Variants in AP5Z1 observed in about 807,000 individuals in gnomAD.
AP5Z1 encodes the protein AP-5 complex subunit zeta-1.
A neutral mutation model predicts 83.0 loss-of-function variants in AP5Z1; 106 were observed. The ratio of observed to expected loss-of-function variants is 1.28; its 90% CI spans 1.09 to 1.50. The LOEUF is 1.50. Ranked by LOEUF, AP5Z1 falls within the 40% of genes most tolerant of loss-of-function variation. AP5Z1 has a pLI of 0.00. For synonymous variants in AP5Z1, 751 were observed against 514.1 expected (o/e 1.46, Z -6.23); for missense variants, 1,565 against 1,094.2 (o/e 1.43, Z -6.07).
rs1285482882 is a variant in AP5Z1 at position 4,783,303 on chromosome 7, G to A, written c.367-13G>A. The A allele has an allele frequency of 5.6e-6, 9 of 1,596,380 alleles. No homozygotes were observed. Among genetic ancestry groups the A allele is most frequent in the Non-Finnish European group, 7.7e-6 (9 of 1,170,928 alleles). On this transcript the variant is annotated splice_polypyrimidine_tract_variant and intron_variant, in intron 3 of 16. Transcript: ENST00000649063. ...AGGCCAGTACCCCAGCGTTTGCCCTGTTTGATTTGAAGGGTGACAGAAACG... is the reference window on the plus strand; with the variant it reads ...AGGCCAGTACCCCAGCGTTTGCCCTATTTGATTTGAAGGGTGACAGAAACG...
Position 4,788,894 on chromosome 7 carries a change from CCA to C in AP5Z1, c.1651_1652del (p.Gln551ValfsTer21). ...CCATGGCCGGCTGTGCCCGCGTGGC[CCA>C]GTGTGCCCAGGCCGTGCCCACGCTG... ...QPMAGCARVA[Q>X]CAQAVPTLLQ... On this transcript the variant is annotated frameshift_variant, in exon 13 of 17. Coordinates refer to ENST00000649063, the MANE Select transcript of AP5Z1 (RefSeq NM_014855.3). LOFTEE classifies it high-confidence loss of function. The C allele has an allele frequency of 6.2e-7, 1 of 1,611,116 alleles. No homozygotes were observed. Among genetic ancestry groups the C allele is most frequent in the South Asian group, 1.1e-5 (1 of 91,002 alleles).
Position 4,783,315 on chromosome 7 carries a change from G to T in AP5Z1, c.367-1G>T. On this transcript the variant is annotated splice_acceptor_variant, in intron 3 of 16. Transcript: ENST00000649063. LOFTEE classifies it high-confidence loss of function. ...CAGCGTTTGCCCTGTTTGATTTGAA[G>T]GGTGACAGAAACGAGGAGGTCAGAG... 1 of 1,604,756 alleles carries T rather than the reference G, an allele frequency of 6.2e-7. No homozygotes were observed. The highest frequency in any genetic ancestry group is 1.7e-5 in the Admixed American group (1 of 58,682).
Position 4,792,271 on chromosome 7 carries a change from G to C in AP5Z1, c.*886G>C, listed in dbSNP as rs948881711. ...AGCCGCCAGGGGGCGCCGCCGCCCC[G>C]AGAGCCTCACGCCCCGCCCCCAGGC... is the stretch of plus-strand genomic sequence containing the variant. On this transcript the variant is annotated 3_prime_UTR_variant, in exon 17 of 17. Coordinates refer to ENST00000649063, the MANE Select transcript of AP5Z1 (RefSeq NM_014855.3). 6.6e-6 allele frequency: 1 copy of C among 152,106 alleles called. No individual in the cohort carries two copies. The highest frequency in any genetic ancestry group is 2.4e-5 in the African/African-American group (1 of 41,334). The allele number at this position is 152,106 out of a possible 1,614,324, so 9.4% of individuals were successfully genotyped here. A position where few individuals can be genotyped will look rare whatever the true frequency, so the allele number is the denominator to read the frequency against.
chr7:4,789,981 TC>T, intron 14 of AP5Z1, 52 bp downstream of exon 14: 1 of 1,350,368 alleles, frequency 7.4e-7, no homozygotes, highest in Non-Finnish European at 9.9e-7. Context: ...CCTCCTGGAC[TC>T]CTCCCCCTCT....
In AP5Z1 at chr7:4,781,156, A is replaced by G; in HGVS notation, c.42-19A>G. The G allele has an allele frequency of 6.2e-7, 1 of 1,611,700 alleles. No homozygotes were observed. Among genetic ancestry groups the G allele is most frequent in the African/African-American group, 1.3e-5 (1 of 74,950 alleles). ...AGCAGCGAGTGCTTCTGGGTCCTGA[A>G]GTCCTCTTCTTTGTTTAGGGAGATC... On this transcript the variant is annotated intron_variant, in intron 1 of 16. Transcript: ENST00000649063.
At chr7:4,780,754 A>G (rs542231078) in intron 1 of AP5Z1, among the ~76,000 whole-genome samples, 2 of 152,266 alleles carry the variant, frequency 1.3e-5, no homozygotes, top group African/African-American at 4.8e-5. Flanking sequence ...TGACAGAGCA[A>G]GACTCCATCT....
chr7:4,784,474 C>T, intron 6 of AP5Z1, 103 bp downstream of exon 6: 1 of 1,376,698 alleles, frequency 7.3e-7, no homozygotes, highest in Non-Finnish European at 9.8e-7. Context: ...TCGGGTGTGC[C>T]CAGGATGCAG....
chr7:4,783,876 CGGCGA>C (rs1208842798), intron 5 of AP5Z1, 78 bp downstream of exon 5: 1 of 1,415,420 alleles, frequency 7.1e-7, no homozygotes, highest in African/African-American at 1.4e-5. Context: ...GTGCCCACAG[CGGCGA>C]GGCCTGCTGT....
intron 1 of AP5Z1, among the ~76,000 whole-genome samples, chr7:4,780,557 G>A (rs565670003): frequency 1.6e-3 from 244 of 152,154 alleles, no homozygotes; most frequent in Non-Finnish European, 2.9e-3. Flanking sequence ...GATGTCAGGA[G>A]ATCAAGACCA....
At chr7:4,786,504 G>C in intron 10 of AP5Z1, 76 bp downstream of exon 10, 1 of 1,547,246 alleles carries the variant, frequency 6.5e-7, no homozygotes, top group Non-Finnish European at 8.8e-7. Flanking sequence ...TTCCAGCGGG[G>C]TTCAGGGCGA....
At position 4,782,777 on chromosome 7, in the gene AP5Z1, A is replaced by G. The variant is rs1008515163; in HGVS notation, c.367-539A>G. Among the ~76,000 whole-genome samples the G allele has an allele frequency of 1.2e-4, 18 of 151,916 alleles. No individual in the cohort carries two copies. The East Asian group carries it at 2.1e-3, about 18-fold the overall frequency. On this transcript the variant is annotated intron_variant, in intron 3 of 16. Coordinates refer to ENST00000649063, the MANE Select transcript of AP5Z1 (RefSeq NM_014855.3). ...TTTGTTTCACCCGCCCTTCTCCTCA[A>G]GCAACTCATTTTTTTCAGTGGAAGA...
At chr7:4,790,074 ACAGCCCCACACCCAGCCC>A in intron 14 of AP5Z1, 145 bp downstream of exon 14, 2 of 1,067,904 alleles carry the variant, frequency 1.9e-6, no homozygotes, top group African/African-American at 2.9e-5. Flanking sequence ...ACCCCCACCC[ACAGCCCCACACCCAGCCC>A]CAGGCACTTC....
At chr7:4,788,476 G>A (rs752188931) in intron 12 of AP5Z1, 182 bp downstream of exon 12, 86 of 781,062 alleles carry the variant, frequency 1.1e-4, no homozygotes, top group Admixed American at 1.6e-4. Flanking sequence ...TGCCGGGGGC[G>A]GGGCCTGGTC....
At chr7:4,789,064 C>A (rs1781656899) in intron 13 of AP5Z1, 113 bp downstream of exon 13, 21 of 907,186 alleles carry the variant, frequency 2.3e-5, no homozygotes, top group Non-Finnish European at 3.3e-5. Context: ...TCCCGCCACA[C>A]CCACCATCCA....
intron 1 of AP5Z1, among the ~76,000 whole-genome samples, chr7:4,780,906 G>A (rs1260710046): frequency 6.6e-6 from 1 of 152,162 alleles, no homozygotes; most frequent in Non-Finnish European, 1.5e-5. Flanking sequence ...CTTCTGCCCT[G>A]GGAACAAGAA....
intron 14 of AP5Z1, 67 bp from the exon 15 acceptor site, chr7:4,790,392 C>T (rs773217087): frequency 1.2e-6 from 2 of 1,609,098 alleles, no homozygotes; most frequent in African/African-American, 1.3e-5. Flanking sequence ...TCTCCAGGCC[C>T]TTGGCCTGGA....
rs373721665 is a variant in AP5Z1 at position 4,776,507 on chromosome 7, A to C, written c.41+751A>C. 3.8e-4 allele frequency among the ~76,000 whole-genome samples: 57 copies of C among 149,664 alleles called. 1 individual carries two copies. In the East Asian group the frequency reaches 7.8e-3, roughly 21 times the overall value. On this transcript the variant is annotated intron_variant, in intron 1 of 16. Transcript: ENST00000649063. ...CAAGGCAGGCGGATCACCTGAGGTC[A>C]GGAGTTCGAGACCAGCGTGCCCAAC...
intron 1 of AP5Z1, among the ~76,000 whole-genome samples, chr7:4,777,985 G>A (rs572179835): frequency 2.0e-5 from 3 of 152,366 alleles, no homozygotes; most frequent in Non-Finnish European, 4.4e-5. Context: ...TCGGGAGGCC[G>A]AGTTAGGAGG....
intron 9 of AP5Z1, 76 bp downstream of exon 9, chr7:4,785,760 CTTTTTTTT>C (rs74274130): frequency 6.0e-5 from 69 of 1,140,860 alleles, no homozygotes; most frequent in South Asian, 4.3e-4. Flanking sequence ...TTCTTCTTCC[CTTTTTTTT>C]TTTTTTTTTT....
Sources: allele counts gnomAD v4.1 joint callset (sites outside exome capture counted in the v4.1 genomes callset), GRCh38; gene constraint gnomAD v4.1.1; transcripts MANE v1.5; gene names NCBI Gene and HGNC (gene_info 2026-07-23, HGNC 2026-07-21).